Variants in NRXN1 observed in about 807,000 individuals in gnomAD.
NRXN1 encodes the protein neurexin-1.
NRXN1 carries 39 observed loss-of-function variants against 150.9 expected under a neutral mutation model. The ratio of observed to expected loss-of-function variants is 0.26; its 90% CI spans 0.20 to 0.34. The LOEUF is 0.34. Among genes scored for constraint, NRXN1 ranks in the 10% least tolerant of loss-of-function variants. NRXN1 has a pLI of 1.00. For synonymous variants in NRXN1, 924 were observed against 757.0 expected (o/e 1.22, Z -3.62); for missense variants, 1,815 against 1,949.9 (o/e 0.93, Z 1.30).
chr2:49,986,823 G>T (rs1353798977), intron 21 of NRXN1, among the ~76,000 whole-genome samples: 1 of 151,966 alleles, frequency 6.6e-6, no homozygotes, highest in Non-Finnish European at 1.5e-5. Flanking sequence ...CAGCACTTTG[G>T]GAGGCCAAGG....
intron 17 of NRXN1, among the ~76,000 whole-genome samples, chr2:50,385,866 T>G (rs1267407943): frequency 1.3e-5 from 2 of 152,054 alleles, no homozygotes; most frequent in African/African-American, 4.8e-5. Flanking sequence ...TTCAGAAATT[T>G]CCTAAGAAAA....
chr2:50,435,762 T>C (rs1052830232), intron 17 of NRXN1, among the ~76,000 whole-genome samples: 1 of 152,016 alleles, frequency 6.6e-6, no homozygotes, highest in African/African-American at 2.4e-5. Context: ...TGAGAACACA[T>C]GGACACAAAG....
chr2:50,733,798 AG>A (rs1559184001), intron 5 of NRXN1, among the ~76,000 whole-genome samples: 1 of 152,184 alleles, frequency 6.6e-6, no homozygotes, highest in Non-Finnish European at 1.5e-5. Context: ...TGGTTTATAA[AG>A]ATATTTCTAA....
rs2152569189 is a variant in NRXN1, at chr2:50,032,963, C to G, written c.4128+20308G>C. On this transcript the variant is annotated intron_variant, in intron 21 of 22. Coordinates refer to ENST00000401669, the MANE Select transcript of NRXN1 (RefSeq NM_001330078.2). ...ATACACACATACACACACACACACG[C>G]CCCCATATTTATATACTGTGTATAC... Among the ~76,000 whole-genome samples, 4 of 150,762 alleles carry G rather than the reference C, an allele frequency of 2.7e-5. No homozygotes were observed. In the Middle Eastern group the frequency reaches 0.01, roughly 393 times the overall value.
intron 21 of NRXN1, among the ~76,000 whole-genome samples, chr2:49,994,640 G>A (rs1018403369): frequency 2.6e-5 from 4 of 152,114 alleles, no homozygotes; most frequent in Admixed American, 1.3e-4. Flanking sequence ...ACAGCTGAGG[G>A]AACTACTTCA....
intron 18 of NRXN1, among the ~76,000 whole-genome samples, chr2:50,110,644 TC>T (rs1258244282): frequency 4.6e-5 from 7 of 152,106 alleles, no homozygotes; most frequent in African/African-American, 7.2e-5. Flanking sequence ...AATTAATAAG[TC>T]CTAGACAATA....
At chr2:50,486,341 T>A (rs1280740863) in intron 15 of NRXN1, among the ~76,000 whole-genome samples, 2 of 152,138 alleles carry the variant, frequency 1.3e-5, no homozygotes, top group African/African-American at 4.8e-5. Context: ...AGCCATAAGA[T>A]AGTTTTTCTC....
intron 21 of NRXN1, among the ~76,000 whole-genome samples, chr2:50,024,683 C>T (rs924217339): frequency 1.3e-5 from 2 of 151,940 alleles, no homozygotes; most frequent in Non-Finnish European, 2.9e-5. Context: ...GGTCCGATCT[C>T]GGCTCGCTGC....
intron 15 of NRXN1, among the ~76,000 whole-genome samples, chr2:50,478,443 G>C (rs2104760851): frequency 6.6e-6 from 1 of 152,238 alleles, no homozygotes; most frequent in East Asian, 1.9e-4. Context: ...GGCAATTCAA[G>C]CAGACATTTT....
At chr2:50,880,965 C>T (rs140469029) in intron 5 of NRXN1, among the ~76,000 whole-genome samples, 2 of 151,872 alleles carry the variant, frequency 1.3e-5, no homozygotes, top group Non-Finnish European at 2.9e-5. Context: ...GGTGTCTCAA[C>T]GGTGTCAGGA....
chr2:50,957,019 G>A (rs563182965), intron 2 of NRXN1, among the ~76,000 whole-genome samples: 1 of 152,160 alleles, frequency 6.6e-6, no homozygotes, highest in Non-Finnish European at 1.5e-5. Flanking sequence ...TGCCATGAAA[G>A]ATGGAATTGG....
At chr2:50,352,770 TAATAATATTATAATAATA>T (rs1353754677) in intron 17 of NRXN1, among the ~76,000 whole-genome samples, 2 of 129,452 alleles carry the variant, frequency 1.5e-5, no homozygotes, top group East Asian at 2.4e-4. Flanking sequence ...ATAATAATAA[TAATAATATTATAATAATA>T]ATAATAATAA....
rs552804212 is a variant in NRXN1, at chr2:50,033,404, T to C, written c.4128+19867A>G. Among the ~76,000 whole-genome samples the C allele has an allele frequency of 3.3e-5, 5 of 152,252 alleles. No homozygotes were observed. The South Asian group carries it at 1.0e-3, about 32-fold the overall frequency. On this transcript the variant is annotated intron_variant, in intron 21 of 22. Transcript: ENST00000401669. ...GGACTCCCTATTCAATAAATGGTGC[T>C]GAGATAACTGACTAGCCATATGAAG... is the stretch of plus-strand genomic sequence containing the variant.
chr2:50,809,694 G>T (rs905062528), intron 5 of NRXN1, among the ~76,000 whole-genome samples: 1 of 152,028 alleles, frequency 6.6e-6, no homozygotes, highest in Non-Finnish European at 1.5e-5. Context: ...AACATCCATG[G>T]GTCAGAGGAG....
At chr2:50,109,071 A>G (rs1702034719) in intron 18 of NRXN1, among the ~76,000 whole-genome samples, 1 of 152,206 alleles carries the variant, frequency 6.6e-6, no homozygotes, top group African/African-American at 2.4e-5. Context: ...TGTGAGTTTA[A>G]TGAAACTATA....
At chr2:50,835,466 G>T (rs1184123130) in intron 5 of NRXN1, among the ~76,000 whole-genome samples, 1 of 151,996 alleles carries the variant, frequency 6.6e-6, no homozygotes, top group Non-Finnish European at 1.5e-5. Context: ...GGCTCTCAAA[G>T]GAAGTTTTAA....
intron 17 of NRXN1, among the ~76,000 whole-genome samples, chr2:50,394,397 G>A (rs77564046): frequency 1.3e-5 from 2 of 152,112 alleles, no homozygotes; most frequent in South Asian, 4.2e-4. Flanking sequence ...TTTTCCATTC[G>A]CAACAAGTCT....
At chr2:50,288,464 G>T (rs1235051326) in intron 17 of NRXN1, among the ~76,000 whole-genome samples, 1 of 152,072 alleles carries the variant, frequency 6.6e-6, no homozygotes, top group Non-Finnish European at 1.5e-5. Flanking sequence ...TAAAAATGAA[G>T]AAAGAATACC....
chr2:50,166,263 T>C (rs911960895), intron 18 of NRXN1, among the ~76,000 whole-genome samples: 2 of 150,320 alleles, frequency 1.3e-5, no homozygotes, highest in Non-Finnish European at 3.0e-5. Context: ...GCATTTTGGA[T>C]AGGAGTACTC....
Sources: gnomAD v4.1 joint callset for allele counts (sites outside exome capture counted in the v4.1 genomes callset) on GRCh38, gnomAD v4.1.1 for gene constraint, MANE v1.5 for transcripts, NCBI Gene and HGNC (gene_info 2026-07-23, HGNC 2026-07-21) for gene names.